Variants in ROBO2 observed in about 807,000 individuals in gnomAD.
ROBO2 encodes the protein roundabout homolog 2.
ROBO2 carries 53 observed loss-of-function variants against 160.8 expected under a neutral mutation model. The observed-to-expected ratio is 0.33, with a 90% CI of 0.26 to 0.41. The LOEUF is 0.41. ROBO2 is among the 10% of genes least tolerant of loss of function. The pLI, the probability that ROBO2 is intolerant of heterozygous loss-of-function variation, is 1.00. For synonymous variants in ROBO2, 664 were observed against 611.7 expected, an observed-to-expected ratio of 1.09 and a Z score of -1.26; for missense variants, 1,577 against 1,722.4, an observed-to-expected ratio of 0.92 and a Z score of 1.49.
chr3:76,908,219 A>T (rs921283822), intron 2 of ROBO2, among the ~76,000 whole-genome samples: 2 of 152,060 alleles, frequency 1.3e-5, no homozygotes, highest in Non-Finnish European at 2.9e-5. Context: ...AAGAAAAAAA[A>T]ACTGCAAACA....
chr3:77,107,873 A>G (rs2073020805), intron 2 of ROBO2, among the ~76,000 whole-genome samples: 1 of 152,158 alleles, frequency 6.6e-6, no homozygotes, highest in Non-Finnish European at 1.5e-5. Flanking sequence ...AAATGTAACT[A>G]TTTTTTCCAT....
intron 2 of ROBO2, among the ~76,000 whole-genome samples, chr3:75,993,916 G>A (rs1430693855): frequency 3.3e-5 from 5 of 152,144 alleles, no homozygotes; most frequent in Non-Finnish European, 5.9e-5. Flanking sequence ...GTTACATTAG[G>A]AGCGTGTATG....
At chr3:76,765,972 A>G (rs534242466) in intron 2 of ROBO2, among the ~76,000 whole-genome samples, 1 of 151,830 alleles carries the variant, frequency 6.6e-6, no homozygotes, top group African/African-American at 2.4e-5. Flanking sequence ...GCATGCTTCT[A>G]GGAAACCTAC....
intron 2 of ROBO2, among the ~76,000 whole-genome samples, chr3:77,183,880 C>G (rs1291564780): frequency 6.6e-6 from 1 of 151,984 alleles, no homozygotes; most frequent in Non-Finnish European, 1.5e-5. Flanking sequence ...TGCCACAATT[C>G]ACAAGTTGAT....
intron 2 of ROBO2, among the ~76,000 whole-genome samples, chr3:75,963,891 G>A (rs1949012858): frequency 6.6e-6 from 1 of 151,602 alleles, no homozygotes; most frequent in African/African-American, 2.4e-5. Flanking sequence ...ATTTTATATG[G>A]ACATCATTTT....
At chr3:76,504,719 G>A (rs928969454) in intron 2 of ROBO2, among the ~76,000 whole-genome samples, 2 of 151,630 alleles carry the variant, frequency 1.3e-5, no homozygotes, top group African/African-American at 2.4e-5. Context: ...TAGTAGAGAC[G>A]GGGTTTCACC....
intron 2 of ROBO2, among the ~76,000 whole-genome samples, chr3:76,951,749 C>T (rs183369465): frequency 1.4e-4 from 22 of 152,172 alleles, no homozygotes; most frequent in Non-Finnish European, 2.2e-4. Flanking sequence ...TGTTCTACCC[C>T]GCCATGAGAT....
chr3:77,401,591 A>C (rs1260562418), intron 2 of ROBO2, among the ~76,000 whole-genome samples: 2 of 151,722 alleles, frequency 1.3e-5, no homozygotes, highest in African/African-American at 4.8e-5. Flanking sequence ...TTTAGAAAGC[A>C]TTGAGATATT....
At chr3:75,989,036 TGTTA>T (rs2065493184) in intron 2 of ROBO2, among the ~76,000 whole-genome samples, 1 of 152,136 alleles carries the variant, frequency 6.6e-6, no homozygotes, top group African/African-American at 2.4e-5. Context: ...TTAATATATA[TGTTA>T]GTTTTAAAAA....
chr3:76,603,774 A>G (rs998562878), intron 2 of ROBO2, among the ~76,000 whole-genome samples: 10 of 152,138 alleles, frequency 6.6e-5, no homozygotes, highest in African/African-American at 2.4e-4. Flanking sequence ...AGTCTCTGTC[A>G]GTAACATTCT....
intron 2 of ROBO2, among the ~76,000 whole-genome samples, chr3:76,863,015 T>C (rs1181202945): frequency 2.0e-5 from 3 of 152,106 alleles, no homozygotes; most frequent in Non-Finnish European, 2.9e-5. Flanking sequence ...ACATACCTAA[T>C]CATTAACTTA....
rs536575433 is a variant in ROBO2 at position 76,424,972 on chromosome 3, C to T, written c.109+487370C>T. ...TTTTTGGAAATCTCATCTTCCACCACACCCAGGCATGTCTCTGGTGTTTTT... is the reference window on the plus strand; with the variant it reads ...TTTTTGGAAATCTCATCTTCCACCATACCCAGGCATGTCTCTGGTGTTTTT... On this transcript the variant is annotated intron_variant, in intron 2 of 26. Transcript: ENST00000487694. 2.8e-4 allele frequency among the ~76,000 whole-genome samples: 43 copies of T among 152,290 alleles called. 1 individual carries two copies. The highest frequency in any genetic ancestry group is 9.1e-4 in the African/African-American group (38 of 41,576).
chr3:77,373,547 A>C (rs9823357), intron 2 of ROBO2, among the ~76,000 whole-genome samples: 108,183 of 151,902 alleles, frequency 0.71, 39,871 homozygotes, highest in Non-Finnish European at 0.81. Context: ...AAAGAAATCA[A>C]GTTTCTCAAA....
intron 2 of ROBO2, among the ~76,000 whole-genome samples, chr3:77,412,378 C>T (rs1581741310): frequency 6.6e-6 from 1 of 152,298 alleles, no homozygotes; most frequent in East Asian, 1.9e-4. Flanking sequence ...GTGGTTATCA[C>T]ACATGTGGCA....
intron 6 of ROBO2, among the ~76,000 whole-genome samples, chr3:77,541,577 C>T (rs2092462414): frequency 1.3e-5 from 2 of 152,192 alleles, no homozygotes; most frequent in Non-Finnish European, 2.9e-5. Flanking sequence ...GGGTCTACTT[C>T]TCTGGAAATC....
At chr3:77,525,245 T>C (rs1247329939) in intron 6 of ROBO2, among the ~76,000 whole-genome samples, 3 of 150,632 alleles carry the variant, frequency 2.0e-5, no homozygotes, top group Non-Finnish European at 4.5e-5. Context: ...GCTGTTTTTT[T>C]TTTTTTTTTT....
At chr3:76,304,808 T>C (rs573529965) in intron 2 of ROBO2, among the ~76,000 whole-genome samples, 6 of 149,084 alleles carry the variant, frequency 4.0e-5, no homozygotes, top group African/African-American at 1.5e-4. Flanking sequence ...CTCTTTCTTT[T>C]TTTTTGTCTG....
chr3:77,320,967 T>C (rs2064624301), intron 2 of ROBO2, among the ~76,000 whole-genome samples: 1 of 152,170 alleles, frequency 6.6e-6, no homozygotes, highest in South Asian at 2.1e-4. Context: ...GGTACTTTAC[T>C]GTCCATTTTG....
intron 2 of ROBO2, among the ~76,000 whole-genome samples, chr3:77,163,727 G>A (rs1278757194): frequency 6.6e-6 from 1 of 152,100 alleles, no homozygotes; most frequent in African/African-American, 2.4e-5. Context: ...TTTGGACATG[G>A]TCTGGGACAC....
Sources: allele counts gnomAD v4.1 joint callset (sites outside exome capture counted in the v4.1 genomes callset), GRCh38; gene constraint gnomAD v4.1.1; transcripts MANE v1.5; gene names NCBI Gene and HGNC (gene_info 2026-07-23, HGNC 2026-07-21).